Variants in NAALADL2 observed in about 807,000 individuals in gnomAD.
NAALADL2 encodes the protein inactive N-acetylated-alpha-linked acidic dipeptidase-like protein 2.
In NAALADL2, 76 loss-of-function variants were observed where a neutral mutation model predicts 87.2. The observed-to-expected ratio is 0.87, with a 90% CI of 0.72 to 1.05. The LOEUF is 1.05. Ranked by LOEUF, NAALADL2 falls within the 50% of genes least tolerant of loss-of-function variation. The pLI is 0.00. For missense variants in NAALADL2, 1,089 were observed against 945.8 expected (o/e 1.15, Z -1.99); for synonymous variants, 354 against 331.0 (o/e 1.07, Z -0.75).
At chr3:174,611,685 G>A (rs887401072) in intron 2 of NAALADL2, among the ~76,000 whole-genome samples, 5 of 151,406 alleles carry the variant, frequency 3.3e-5, no homozygotes, top group African/African-American at 9.7e-5. Context: ...TCTGCCTCCC[G>A]GTTCAAGCTA....
chr3:174,904,162 A>G (rs1396096272), intron 1 of NAALADL2, among the ~76,000 whole-genome samples: 1 of 151,704 alleles, frequency 6.6e-6, no homozygotes, highest in African/African-American at 2.4e-5. Context: ...AATCCACCTT[A>G]TTTGGGATCA....
chr3:175,687,242 GAT>G (rs1736421307), intron 11 of NAALADL2, among the ~76,000 whole-genome samples: 1 of 152,134 alleles, frequency 6.6e-6, no homozygotes, highest in South Asian at 2.1e-4. Flanking sequence ...TTAGAAATGA[GAT>G]GTGATTATAA....
chr3:174,600,826 A>T (rs1053758094), intron 2 of NAALADL2, among the ~76,000 whole-genome samples: 2 of 152,144 alleles, frequency 1.3e-5, no homozygotes, highest in Admixed American at 6.6e-5. Flanking sequence ...CTCTATTATG[A>T]GAATAGCACC....
At chr3:175,508,501 C>T (rs185927847) in intron 9 of NAALADL2, among the ~76,000 whole-genome samples, 52 of 152,258 alleles carry the variant, frequency 3.4e-4, no homozygotes, top group African/African-American at 1.1e-3. Flanking sequence ...ATCTAGAAAT[C>T]TACCTATTAT....
intron 4 of NAALADL2, among the ~76,000 whole-genome samples, chr3:175,323,659 G>A (rs1395789048): frequency 7.3e-5 from 10 of 137,138 alleles, no homozygotes; most frequent in African/African-American, 2.6e-4. Flanking sequence ...AAAAACCGGA[G>A]GAAAAAAAAA....
intron 9 of NAALADL2, among the ~76,000 whole-genome samples, chr3:175,538,559 C>G (rs1711702830): frequency 6.6e-6 from 1 of 151,958 alleles, no homozygotes; most frequent in Non-Finnish European, 1.5e-5. Flanking sequence ...AGTTTTCTAT[C>G]CTAATATTGA....
chr3:174,777,007 TTAAC>T (rs946556147), intron 3 of NAALADL2, among the ~76,000 whole-genome samples: 115 of 152,238 alleles, frequency 7.6e-4, no homozygotes, highest in African/African-American at 2.7e-3. Flanking sequence ...TAATGAGTAA[TTAAC>T]TAAGTTTATT....
At chr3:174,454,398 A>G (rs1238685213) in intron 1 of NAALADL2, among the ~76,000 whole-genome samples, 2 of 152,154 alleles carry the variant, frequency 1.3e-5, no homozygotes, top group African/African-American at 4.8e-5. Context: ...CCTGGTAGAC[A>G]TCTACAGAAC....
chr3:175,124,782 A>G lies in NAALADL2; in HGVS notation c.545+27491A>G, dbSNP rs1432452431. The G allele has an allele frequency of 3.3e-5, 5 of 152,064 alleles. No individual in the cohort carries two copies. The South Asian group carries it at 1.0e-3, about 31-fold the overall frequency. The allele number at this position is 152,064 out of a possible 1,614,324, so 9.4% of individuals were successfully genotyped here. A position where few individuals can be genotyped will look rare whatever the true frequency, so the allele number is the denominator to read the frequency against. On this transcript the variant is annotated intron_variant, in intron 2 of 13. Transcript: ENST00000454872. Reference sequence around the variant, plus strand: ...TCTAACACAGCAATATGGGTGTTTCAAGAAAGAAAGATAGCTATTTGGTGA... The same window carrying G: ...TCTAACACAGCAATATGGGTGTTTCGAGAAAGAAAGATAGCTATTTGGTGA...
chr3:175,273,410 T>C (rs1581217259), intron 4 of NAALADL2, among the ~76,000 whole-genome samples: 4 of 152,270 alleles, frequency 2.6e-5, no homozygotes, highest in African/African-American at 9.6e-5. Flanking sequence ...TGTTCTATTA[T>C]AATGAAAATA....
chr3:175,159,783 C>G (rs914427306), intron 2 of NAALADL2, among the ~76,000 whole-genome samples: 1 of 151,542 alleles, frequency 6.6e-6, no homozygotes, highest in African/African-American at 2.4e-5. Flanking sequence ...TTCCTTCCCT[C>G]CCTCCCTGCC....
intron 1 of NAALADL2, among the ~76,000 whole-genome samples, chr3:175,045,163 A>T (rs1486025093): frequency 6.6e-6 from 1 of 151,826 alleles, no homozygotes; most frequent in East Asian, 1.9e-4. Context: ...GGCCTTTAGG[A>T]TTTTCTCTTC....
chr3:175,314,696 A>AGTTCGAAC (rs1287367035), intron 4 of NAALADL2, among the ~76,000 whole-genome samples: 5 of 87,840 alleles, frequency 5.7e-5, no homozygotes, highest in African/African-American at 1.9e-4. Flanking sequence ...ATATATATAT[A>AGTTCGAAC]TATATATATA....
At chr3:174,642,441 T>G (rs1723296908) in intron 2 of NAALADL2, among the ~76,000 whole-genome samples, 2 of 149,298 alleles carry the variant, frequency 1.3e-5, no homozygotes, top group Admixed American at 6.8e-5. Flanking sequence ...GCGCAGGTTG[T>G]GGTTAGCTGA....
chr3:174,750,507 T>A (rs940917767), intron 3 of NAALADL2, among the ~76,000 whole-genome samples: 1 of 152,120 alleles, frequency 6.6e-6, no homozygotes, highest in African/African-American at 2.4e-5. Context: ...CTCCACTTAC[T>A]GCAACTTCCA....
intron 1 of NAALADL2, among the ~76,000 whole-genome samples, chr3:174,974,770 T>C (rs958527712): frequency 2.0e-5 from 3 of 152,026 alleles, no homozygotes; most frequent in African/African-American, 7.2e-5. Flanking sequence ...TTGCAGCTAT[T>C]GATAGGGTGG....
At chr3:174,967,523 C>T (rs554756500) in intron 1 of NAALADL2, among the ~76,000 whole-genome samples, 10 of 152,286 alleles carry the variant, frequency 6.6e-5, no homozygotes, top group Non-Finnish European at 1.0e-4. Flanking sequence ...CTGTGACTTG[C>T]CTTGACCAAT....
At chr3:175,554,373 T>C (rs1007399911) in intron 9 of NAALADL2, among the ~76,000 whole-genome samples, 1 of 152,190 alleles carries the variant, frequency 6.6e-6, no homozygotes, top group Admixed American at 6.5e-5. Context: ...TCAAAAGCAT[T>C]TTTCATACTA....
intron 3 of NAALADL2, 126 bp downstream of exon 3, chr3:175,234,330 G>C: frequency 9.9e-7 from 1 of 1,012,088 alleles, no homozygotes; most frequent in South Asian, 1.7e-5. Context: ...TTTCAGTGTG[G>C]AAGTGCCAGG....
Sources: allele counts gnomAD v4.1 joint callset (sites outside exome capture counted in the v4.1 genomes callset), GRCh38; gene constraint gnomAD v4.1.1; transcripts MANE v1.5; gene names NCBI Gene and HGNC (gene_info 2026-07-23, HGNC 2026-07-21).